DTWD1: variants seen among roughly 807,000 people sequenced by gnomAD.
The protein encoded by DTWD1 is DTW motif tRNA-uridine aminocarboxypropyltransferase 1.
Under a neutral mutation model 30.2 loss-of-function variants are expected in DTWD1, and 27 were observed. The observed-to-expected ratio is 0.90, with a 90% confidence interval of 0.66 to 1.23. The LOEUF (loss-of-function observed/expected upper bound fraction) is 1.23. Among genes scored for constraint, DTWD1 ranks in the 50% most tolerant of loss-of-function variants. The pLI, the probability that DTWD1 is intolerant of heterozygous loss-of-function variation, is 0.00. For synonymous variants in DTWD1, 99 were observed against 113.1 expected, an observed-to-expected ratio of 0.88 and a Z score of 0.79; for missense variants, 342 against 348.8, an observed-to-expected ratio of 0.98 and a Z score of 0.15.
intron 4 of DTWD1, among the ~76,000 whole-genome samples, chr15:49,641,470 T>C (rs1381756812): frequency 6.6e-6 from 1 of 152,080 alleles, no homozygotes; most frequent in East Asian, 1.9e-4. Context: ...TTTTTGTCTG[T>C]CGTTTATTGT....
Position 49,643,742 on chromosome 15 carries a change from C to G in DTWD1, c.*164C>G. 1.4e-6 allele frequency: 1 copy of G among 731,728 alleles called. No individual in the cohort carries two copies. Among genetic ancestry groups the G allele is most frequent in the Non-Finnish European group, 2.0e-6 (1 of 512,444 alleles). The allele number at this position is 731,728 out of a possible 1,614,324, so 45.3% of individuals were successfully genotyped here. ...TCATATTTCTTGAAGGAAATTGTAT[C>G]TGGGGGAATTTTTCAGAGATACTGT... On this transcript the variant is annotated 3_prime_UTR_variant, in exon 5 of 5. Transcript: ENST00000403028.
chr15:49,632,220 T>C lies in DTWD1; in HGVS notation c.326T>C (p.Ile109Thr), dbSNP rs767843515. The C allele has an allele frequency of 1.9e-6, 3 of 1,601,110 alleles. No homozygotes were observed. Among genetic ancestry groups the C allele is most frequent in the Middle Eastern group, 1.7e-4 (1 of 5,966 alleles). ...PNETDGKSTA[I>T]HAKLLAPEFV... Reference sequence around the variant, plus strand: ...GAAACAGATGGCAAAAGTACTGCTATACATGCAAAACTCTTAGCACCTGAA... The same window carrying C: ...GAAACAGATGGCAAAAGTACTGCTACACATGCAAAACTCTTAGCACCTGAA... The change falls in exon 3 of 5, where the codon ATA becomes ACA. Residue 109 changes from isoleucine (I) to threonine (T), a missense_variant. Coordinates refer to ENST00000403028, the MANE Select transcript of DTWD1 (RefSeq NM_001144955.2).
intron 4 of DTWD1, 149 bp downstream of exon 4, chr15:49,634,943 T>C: frequency 1.5e-6 from 1 of 656,924 alleles, no homozygotes; most frequent in East Asian, 3.2e-5. Context: ...ATTATATATG[T>C]GAGTGTGTAT....
rs1467398344 is a variant in DTWD1 at position 49,653,222 on chromosome 15, A to C, written c.*9644A>C. 1 of 152,148 alleles carries C rather than the reference A, an allele frequency of 6.6e-6. No homozygotes were observed. Among genetic ancestry groups the C allele is most frequent in the Non-Finnish European group, 1.5e-5 (1 of 68,008 alleles). The allele number at this position is 152,148 out of a possible 1,614,324, so 9.4% of individuals were successfully genotyped here. ...TATCCTGAATTATCTAGGTAGGCTC[A>C]ATATAAGCATGAGTCCTTAAAAGTG... On this transcript the variant is annotated 3_prime_UTR_variant, in exon 5 of 5. Transcript: ENST00000403028.
At chr15:49,627,719 A>T (rs1290134827) in intron 2 of DTWD1, among the ~76,000 whole-genome samples, 1 of 152,232 alleles carries the variant, frequency 6.6e-6, no homozygotes, top group African/African-American at 2.4e-5. Flanking sequence ...AGAAAAGTAC[A>T]GTAGAAGTAC....
intron 4 of DTWD1, among the ~76,000 whole-genome samples, chr15:49,637,914 G>A (rs1238147677): frequency 6.6e-6 from 1 of 152,212 alleles, no homozygotes; most frequent in Non-Finnish European, 1.5e-5. Flanking sequence ...TGCTTTGAAA[G>A]TCTAATTGTG....
chr15:49,623,814 A>G (rs1158070119), intron 1 of DTWD1: 1 of 152,234 alleles, frequency 6.6e-6, no homozygotes, highest in East Asian at 1.9e-4. Context: ...TTGGAGTGGC[A>G]GTCAGAAGTA....
rs2079146345 is a variant in DTWD1 at position 49,650,418 on chromosome 15, A to G, written c.*6840A>G. On this transcript the variant is annotated 3_prime_UTR_variant, in exon 5 of 5. Coordinates refer to ENST00000403028, the MANE Select transcript of DTWD1 (RefSeq NM_001144955.2). ...ATTTCAGTAGTCCATTTGAGAGATG[A>G]TATTTGCCTGGACAAGGGTTGTGAT... 6.6e-6 allele frequency: 1 copy of G among 152,186 alleles called. No individual in the cohort carries two copies. Among genetic ancestry groups the G allele is most frequent in the Non-Finnish European group, 1.5e-5 (1 of 68,030 alleles). The allele number at this position is 152,186 out of a possible 1,614,324, so 9.4% of individuals were successfully genotyped here. A position where few individuals can be genotyped will look rare whatever the true frequency, so the allele number is the denominator to read the frequency against.
chr15:49,643,699 A>C lies in DTWD1; in HGVS notation c.*121A>C. The C allele has an allele frequency of 9.6e-7, 1 of 1,038,572 alleles. No homozygotes were observed. Among genetic ancestry groups the C allele is most frequent in the Non-Finnish European group, 1.3e-6 (1 of 760,680 alleles). 64.3% of individuals were successfully genotyped at this position (1,038,572 alleles called of 1,614,324 possible). A position where few individuals can be genotyped will look rare whatever the true frequency, so the allele number is the denominator to read the frequency against. The stretch of plus-strand genomic sequence containing the variant: ...CTGTAAGACCATTTGAAAAAATTCC[A>C]GTTTCATATATATCACTTCATATTT... On this transcript the variant is annotated 3_prime_UTR_variant, in exon 5 of 5. Coordinates refer to ENST00000403028, the MANE Select transcript of DTWD1 (RefSeq NM_001144955.2).
rs1251198745 is a variant in DTWD1, at chr15:49,648,374, TCACTACAACCTC to T, written c.*4800_*4811del. On this transcript the variant is annotated 3_prime_UTR_variant, in exon 5 of 5. Transcript: ENST00000403028. The stretch of plus-strand genomic sequence containing the variant: ...TGCAGTGCAGTGGTGCGATCTCAGC[TCACTACAACCTC>T]CACCTCCCAAGTTCAAGCAATTATC... The T allele has an allele frequency of 6.6e-6, 1 of 152,244 alleles. No individual in the cohort carries two copies. The highest frequency in any genetic ancestry group is 2.4e-5 in the African/African-American group (1 of 41,456). 9.4% of individuals were successfully genotyped at this position (152,244 alleles called of 1,614,324 possible).
rs2079161320 is a variant in DTWD1 at position 49,653,002 on chromosome 15, G to A, written c.*9424G>A. 6.6e-6 allele frequency: 1 copy of A among 152,020 alleles called. No individual in the cohort carries two copies. Among genetic ancestry groups the A allele is most frequent in the Admixed American group, 6.6e-5 (1 of 15,242 alleles). 9.4% of individuals were successfully genotyped at this position (152,020 alleles called of 1,614,324 possible). ...CCCATGGGAAGCAAAAAATCAAAGAGTTTAAACAGAATTTTGAGAAATCCC... is the reference window on the plus strand; with the variant it reads ...CCCATGGGAAGCAAAAAATCAAAGAATTTAAACAGAATTTTGAGAAATCCC... On this transcript the variant is annotated 3_prime_UTR_variant, in exon 5 of 5. Coordinates refer to ENST00000403028, the MANE Select transcript of DTWD1 (RefSeq NM_001144955.2).
chr15:49,640,698 A>ATTAT (rs1555591786), intron 4 of DTWD1, among the ~76,000 whole-genome samples: 3 of 152,022 alleles, frequency 2.0e-5, no homozygotes, highest in Non-Finnish European at 4.4e-5. Context: ...TGATAATTAC[A>ATTAT]TTGTTTATTT....
rs139931296 is a variant in DTWD1 at position 49,627,984 on chromosome 15, C to T, written c.264+2553C>T. Among the ~76,000 whole-genome samples the T allele has an allele frequency of 4.4e-3, 675 of 152,280 alleles. 10 individuals carry two copies. The highest frequency in any genetic ancestry group is 0.015 in the African/African-American group (644 of 41,560). On this transcript the variant is annotated intron_variant, in intron 2 of 4. Coordinates refer to ENST00000403028, the MANE Select transcript of DTWD1 (RefSeq NM_001144955.2). ...ACTTTTTAAAAAACTTGTGATAACA[C>T]TTACATTTAAACACAAACACATTGC... is the stretch of plus-strand genomic sequence containing the variant.
chr15:49,623,744 T>G (rs2078801372), intron 1 of DTWD1: 1 of 152,232 alleles, frequency 6.6e-6, no homozygotes, highest in African/African-American at 2.4e-5. Context: ...CTTAATATCC[T>G]GCACTTTCAG....
At chr15:49,630,518 T>G (rs1322365828) in intron 2 of DTWD1, among the ~76,000 whole-genome samples, 4 of 152,178 alleles carry the variant, frequency 2.6e-5, no homozygotes, top group Non-Finnish European at 5.9e-5. Flanking sequence ...GAGATATGAT[T>G]TGGCATTTTT....
chr15:49,625,137 A>G lies in DTWD1; in HGVS notation c.-31A>G. 6.2e-7 allele frequency: 1 copy of G among 1,601,640 alleles called. No individual in the cohort carries two copies. On this transcript the variant is annotated 5_prime_UTR_variant, in exon 2 of 5. Coordinates refer to ENST00000403028, the MANE Select transcript of DTWD1 (RefSeq NM_001144955.2). ...GTGCACCTATGATATGTGTTTTAGAAATAGCCGTTAAACTTTGGTTTGAAT... is the reference window on the plus strand; with the variant it reads ...GTGCACCTATGATATGTGTTTTAGAGATAGCCGTTAAACTTTGGTTTGAAT...
chr15:49,643,270 T>G, intron 4 of DTWD1, 61 bp from the exon 5 acceptor site: 1 of 1,439,670 alleles, frequency 6.9e-7, no homozygotes, highest in South Asian at 1.5e-5. Flanking sequence ...AGCCTGTGGT[T>G]AAGAAGAAAT....
chr15:49,654,701 AG>A lies in DTWD1; in HGVS notation c.*11124del, dbSNP rs1280110645. ...ATGAGATTGTGGAACCTGAAAATAC[AG>A]TGTAGTAAGAGTGGAGAGAAAGGCC... On this transcript the variant is annotated 3_prime_UTR_variant, in exon 5 of 5. Transcript: ENST00000403028. The A allele has an allele frequency of 6.6e-6, 1 of 151,918 alleles. No homozygotes were observed. The highest frequency in any genetic ancestry group is 6.6e-5 in the Admixed American group (1 of 15,234). 9.4% of individuals were successfully genotyped at this position (151,918 alleles called of 1,614,324 possible). A position where few individuals can be genotyped will look rare whatever the true frequency, so the allele number is the denominator to read the frequency against.
intron 2 of DTWD1, chr15:49,629,923 TTTATACTG>T (rs1431712606): frequency 6.6e-6 from 1 of 152,176 alleles, no homozygotes; most frequent in African/African-American, 2.4e-5. Context: ...GGGTGTATTA[TTTATACTG>T]TTCTGTCCCC....
Sources: allele counts gnomAD v4.1 joint callset (sites outside exome capture counted in the v4.1 genomes callset), GRCh38; gene constraint gnomAD v4.1.1; transcripts MANE v1.5; gene names NCBI Gene and HGNC (gene_info 2026-07-23, HGNC 2026-07-21).